Variants in PCDHGB1 observed in about 807,000 individuals in gnomAD.
PCDHGB1 encodes protocadherin gamma-B1.
Under a neutral mutation model 56.6 loss-of-function variants are expected in PCDHGB1, and 34 were observed. The observed-to-expected ratio is 0.60, with a 90% CI of 0.46 to 0.80. The LOEUF is 0.80. PCDHGB1 is among the 30% of genes least tolerant of loss of function. The pLI is 0.00. For synonymous variants in PCDHGB1, 561 were observed against 505.9 expected, an observed-to-expected ratio of 1.11 and a Z score of -1.46; for missense variants, 1,278 against 1,204.6, an observed-to-expected ratio of 1.06 and a Z score of -0.90.
chr5:141,496,888 T>TA (rs35063790), intron 2 of PCDHGB1, among the ~76,000 whole-genome samples: 34,968 of 133,936 alleles, frequency 0.26, 4,377 homozygotes, highest in Admixed American at 0.34. Flanking sequence ...AAGTAACACT[T>TA]AAAAAAAAAA....
intron 1 of PCDHGB1, chr5:141,357,624 G>A (rs1416419073): frequency 1.2e-6 from 2 of 1,613,660 alleles, no homozygotes; most frequent in South Asian, 2.2e-5. Context: ...ATCTTCAGGT[G>A]AGTCAATCTT....
intron 1 of PCDHGB1, among the ~76,000 whole-genome samples, chr5:141,429,503 C>T (rs890656634): frequency 1.3e-5 from 2 of 151,922 alleles, no homozygotes; most frequent in Admixed American, 6.6e-5. Context: ...TTGCCTGAAA[C>T]TGTGCCTGGC....
At chr5:141,467,110 T>C (rs2099137137) in intron 1 of PCDHGB1, among the ~76,000 whole-genome samples, 1 of 151,604 alleles carries the variant, frequency 6.6e-6, no homozygotes, top group Non-Finnish European at 1.5e-5. Context: ...TGGAGTACAA[T>C]GGTGCAATCT....
chr5:141,371,546 C>T, intron 1 of PCDHGB1: 1 of 1,613,690 alleles, frequency 6.2e-7, no homozygotes, highest in Non-Finnish European at 8.5e-7. Flanking sequence ...AAATCCTATG[C>T]CAACTAAAAG....
At chr5:141,438,305 G>T (rs1287488865) in intron 1 of PCDHGB1, among the ~76,000 whole-genome samples, 2 of 151,822 alleles carry the variant, frequency 1.3e-5, no homozygotes, top group East Asian at 1.9e-4. Context: ...AAAGAAGTTG[G>T]TACCACCATA....
chr5:141,370,739 C>CT (rs772637726), intron 1 of PCDHGB1: 1 of 1,613,910 alleles, frequency 6.2e-7, no homozygotes, highest in Non-Finnish European at 8.5e-7. Flanking sequence ...AGCCTTTAAA[C>CT]TTTTTTCATG....
At chr5:141,422,957 A>C in intron 1 of PCDHGB1, 1 of 1,614,190 alleles carries the variant, frequency 6.2e-7, no homozygotes. Flanking sequence ...ACTGGCGTGG[A>C]GCTGGCGCCC....
intron 1 of PCDHGB1, chr5:141,371,379 G>A (rs993730534): frequency 6.2e-7 from 1 of 1,613,974 alleles, no homozygotes; most frequent in Non-Finnish European, 8.5e-7. Flanking sequence ...ACATCACACT[G>A]CATATTGTAA....
chr5:141,356,162 C>A (rs779976582), intron 1 of PCDHGB1: 1 of 1,613,176 alleles, frequency 6.2e-7, no homozygotes, highest in South Asian at 1.1e-5. Context: ...GATGTAGAAG[C>A]CCATGATGGG....
Position 141,361,351 on chromosome 5 carries a change from A to T in PCDHGB1, c.2409+8682A>T, listed in dbSNP as rs200180237. Reference sequence around the variant, plus strand: ...CTCAAAGAACTATTACAAACTAGTGACAGACGGCGCTCTGGACCGGGAGGA... The same window carrying T: ...CTCAAAGAACTATTACAAACTAGTGTCAGACGGCGCTCTGGACCGGGAGGA... On this transcript the variant is annotated intron_variant, in intron 1 of 3. Coordinates refer to ENST00000523390, the MANE Select transcript of PCDHGB1 (RefSeq NM_018922.3). 1.6e-3 allele frequency: 2,637 copies of T among 1,613,994 alleles called. 1 individual carries two copies. Among genetic ancestry groups the T allele is most frequent in the Non-Finnish European group, 2.1e-3 (2,436 of 1,179,894 alleles).
intron 1 of PCDHGB1, chr5:141,400,091 C>A: frequency 6.2e-7 from 1 of 1,614,072 alleles, no homozygotes; most frequent in Non-Finnish European, 8.5e-7. Context: ...GCCACCGCCA[C>A]GCTGCACTTG....
intron 1 of PCDHGB1, chr5:141,376,580 C>G (rs1351878933): frequency 1.3e-6 from 2 of 1,589,974 alleles, no homozygotes; most frequent in South Asian, 1.1e-5. Flanking sequence ...ACAGGCTCAT[C>G]AGCTAGATCG....
rs2099427641 is a variant in PCDHGB1, at chr5:141,477,974, G to T, written c.2410-16833G>T. The T allele has an allele frequency of 1.2e-6, 2 of 1,614,034 alleles. No homozygotes were observed. The highest frequency in any genetic ancestry group is 1.6e-4 in the Middle Eastern group (1 of 6,062). On this transcript the variant is annotated intron_variant, in intron 1 of 3. Transcript: ENST00000523390. This position sits in a 1 kb window ranked among gnomAD's most constrained non-coding sequence, Gnocchi z 4.9. ...GGGATCCCCTAACCAGAGCCTTTTT[G>T]CCATAGGGCTGCACACTGGTCAAAT...
At chr5:141,383,396 C>T (rs749879106) in intron 1 of PCDHGB1, 64 of 1,613,910 alleles carry the variant, frequency 4.0e-5, no homozygotes, top group Non-Finnish European at 5.3e-5. Flanking sequence ...GGCACGAACT[C>T]CCTCCAGAGT....
chr5:141,477,301 C>T lies in PCDHGB1; in HGVS notation c.2410-17506C>T, dbSNP rs756549446. The T allele has an allele frequency of 6.2e-7, 1 of 1,614,160 alleles. No homozygotes were observed. Among genetic ancestry groups the T allele is most frequent in the East Asian group, 2.2e-5 (1 of 44,872 alleles). Reference sequence around the variant, plus strand: ...TGACCTGCGAAGTTCCACCGGGTCTCCCTTTCAGCCTTACTTCTTCCCTCA... The same window carrying T: ...TGACCTGCGAAGTTCCACCGGGTCTTCCTTTCAGCCTTACTTCTTCCCTCA... On this transcript the variant is annotated intron_variant, in intron 1 of 3. Coordinates refer to ENST00000523390, the MANE Select transcript of PCDHGB1 (RefSeq NM_018922.3). The surrounding 1 kb of genome is among the most constrained non-coding windows in gnomAD (Gnocchi z 4.9).
At chr5:141,398,593 G>A (rs2093676056) in intron 1 of PCDHGB1, 1 of 1,614,044 alleles carries the variant, frequency 6.2e-7, no homozygotes, top group Non-Finnish European at 8.5e-7. Flanking sequence ...TATACTAGAA[G>A]TAGCAGAAGA....
rs114740440 is a variant in PCDHGB1 at position 141,426,595 on chromosome 5, C to T, written c.2410-68212C>T. The T allele has an allele frequency of 4.0e-3, 1,518 of 375,912 alleles. 5 individuals carry two copies. Among genetic ancestry groups the T allele is most frequent in the Non-Finnish European group, 5.9e-3 (1,105 of 185,722 alleles). 23.3% of individuals were successfully genotyped at this position (375,912 alleles called of 1,614,324 possible). ...GTCTTCAAAATCCTCTGTGTCATAC[C>T]CTTAGAGATTGTAGCAGAGAATCCT... On this transcript the variant is annotated intron_variant, in intron 1 of 3. Coordinates refer to ENST00000523390, the MANE Select transcript of PCDHGB1 (RefSeq NM_018922.3).
chr5:141,356,859 G>A (rs1198453770), intron 1 of PCDHGB1: 1 of 1,614,038 alleles, frequency 6.2e-7, no homozygotes, highest in Non-Finnish European at 8.5e-7. Flanking sequence ...TCTTTGTGCT[G>A]GACCAGAACG....
At chr5:141,421,159 C>G (rs2096549842) in intron 1 of PCDHGB1, 3 of 1,236,898 alleles carry the variant, frequency 2.4e-6, no homozygotes. Flanking sequence ...CCTAGGACTT[C>G]ATAGATACAT....
Sources: allele counts gnomAD v4.1 joint callset (sites outside exome capture counted in the v4.1 genomes callset), GRCh38; gene constraint gnomAD v4.1.1; non-coding constraint Gnocchi (gnomAD v3.1); transcripts MANE v1.5; gene names NCBI Gene and HGNC (gene_info 2026-07-23, HGNC 2026-07-21).